Variants in CEP350 observed in about 807,000 individuals in gnomAD.
The protein encoded by CEP350 is centrosomal protein 350, also known as centrosome-associated protein 350.
In CEP350, 126 loss-of-function variants were observed where a neutral mutation model predicts 331.8. That is an observed-to-expected ratio of 0.38 (90% CI 0.33 to 0.44). The LOEUF (loss-of-function observed/expected upper bound fraction) is 0.44. Among genes scored for constraint, CEP350 ranks in the 20% least tolerant of loss-of-function variants. CEP350 has a pLI of 1.00. For synonymous variants in CEP350, 1,200 were observed against 1,259.5 expected (o/e 0.95, Z 1.00); for missense variants, 3,406 against 3,634.6 (o/e 0.94, Z 1.62).
In CEP350 at chr1:180,022,778, T is replaced by C. The variant is rs767827548; in HGVS notation, c.3316T>C (p.Tyr1106His). The C allele has an allele frequency of 6.2e-7, 1 of 1,608,142 alleles. No homozygotes were observed. Among genetic ancestry groups the C allele is most frequent in the Non-Finnish European group, 8.5e-7 (1 of 1,176,814 alleles). ...CGCAACTCCTCTAAGTGGTGTTTCATATGAAGATGATTTTGTCTCCTCTCC... is the reference window on the plus strand; with the variant it reads ...CGCAACTCCTCTAAGTGGTGTTTCACATGAAGATGATTTTGTCTCCTCTCC... ...ATATPLSGVS[Y>H]EDDFVSSPGT... Residue 1106 changes from tyrosine (Y) to histidine (H), a missense_variant, in exon 13 of 38, where the codon TAT (tyrosine) becomes CAT (histidine). Coordinates refer to ENST00000367607, the MANE Select transcript of CEP350 (RefSeq NM_014810.5).
chr1:179,982,369 T>A (rs1268684252), intron 1 of CEP350, among the ~76,000 whole-genome samples: 1 of 152,242 alleles, frequency 6.6e-6, no homozygotes, highest in Non-Finnish European at 1.5e-5. Context: ...TCTTTTTGCA[T>A]GTAGTTGTAA....
In CEP350 at chr1:180,075,067, T is replaced by C. The variant is rs753815587; in HGVS notation, c.5613T>C (p.His1871=). Residue 1871 remains histidine, a synonymous_variant, in exon 28 of 38, where the codon CAT becomes CAC. Transcript: ENST00000367607. ...AAAAATTAATGCAACGGCGACAACA[T>C]GCAGAGGAGCTCCTAGAGTGGAAGC... ...REQKLMQRRQ[H]AEELLEWKRR... The C allele has an allele frequency of 8.7e-6, 14 of 1,613,068 alleles. No homozygotes were observed. The highest frequency in any genetic ancestry group is 1.2e-5 in the Non-Finnish European group (14 of 1,179,574).
At chr1:180,066,227 C>T (rs1296323118) in intron 27 of CEP350, among the ~76,000 whole-genome samples, 1 of 152,088 alleles carries the variant, frequency 6.6e-6, no homozygotes, top group Non-Finnish European at 1.5e-5. Context: ...TAATTAAATA[C>T]GGTTAAAAAT....
chr1:179,960,593 G>T (rs1571771613), intron 1 of CEP350, among the ~76,000 whole-genome samples: 2 of 151,920 alleles, frequency 1.3e-5, no homozygotes, highest in East Asian at 1.9e-4. Context: ...CATTTTTTTT[G>T]ATGACACTGT....
At chr1:180,087,522 T>C in intron 31 of CEP350, 56 bp from the exon 32 acceptor site, 2 of 1,419,136 alleles carry the variant, frequency 1.4e-6, no homozygotes, top group Non-Finnish European at 1.9e-6. Context: ...ATTTTATAAT[T>C]TAAAATAAGT....
intron 6 of CEP350, among the ~76,000 whole-genome samples, chr1:179,999,687 G>A (rs1488295971): frequency 1.3e-5 from 2 of 152,082 alleles, no homozygotes; most frequent in Admixed American, 1.3e-4. Context: ...GGTTACTTGT[G>A]TTAACAATTT....
chr1:179,965,944 C>A (rs559967366), intron 1 of CEP350, among the ~76,000 whole-genome samples: 1 of 152,138 alleles, frequency 6.6e-6, no homozygotes, highest in East Asian at 1.9e-4. Flanking sequence ...ATCTTTTTAA[C>A]CTAGCTACTA....
chr1:180,025,114 C>T (rs946216217), intron 14 of CEP350, among the ~76,000 whole-genome samples: 30 of 152,036 alleles, frequency 2.0e-4, no homozygotes, highest in African/African-American at 4.8e-4. Flanking sequence ...TTAGTAGAGA[C>T]GGGGTTTCAC....
chr1:180,041,273 T>TG (rs552971484), intron 18 of CEP350, 25 bp downstream of exon 18: 297 of 1,510,488 alleles, frequency 2.0e-4, no homozygotes, highest in African/African-American at 1.7e-3. Context: ...AGCAGGTTCT[T>TG]GTTTTTTAAA....
chr1:180,090,346 A>G lies in CEP350; in HGVS notation c.6426-368A>G, dbSNP rs555090834. Among the ~76,000 whole-genome samples, 49 of 151,580 alleles carry G rather than the reference A, an allele frequency of 3.2e-4. No homozygotes were observed. The South Asian group carries it at 0.01, about 31-fold the overall frequency. On this transcript the variant is annotated intron_variant, in intron 32 of 37. Transcript: ENST00000367607. ...CGGATCATGAGATCAGGAGATCGAG[A>G]CCATCCTGGCTAACACAGTGAAACC... is the stretch of plus-strand genomic sequence containing the variant.
At chr1:180,033,118 A>G (rs1472248146) in intron 15 of CEP350, among the ~76,000 whole-genome samples, 2 of 152,190 alleles carry the variant, frequency 1.3e-5, no homozygotes, top group African/African-American at 4.8e-5. Context: ...TTTATAGAGT[A>G]TCTTTGAATA....
intron 37 of CEP350, among the ~76,000 whole-genome samples, chr1:180,101,266 G>A (rs1294655371): frequency 6.6e-6 from 1 of 151,564 alleles, no homozygotes; most frequent in African/African-American, 2.4e-5. Flanking sequence ...ATAACTTTTT[G>A]CATGAGCTCG....
chr1:180,030,316 T>TGTGTATACATAAGTGTGTACACAC (rs1491219567), intron 14 of CEP350, among the ~76,000 whole-genome samples: 7 of 145,262 alleles, frequency 4.8e-5, no homozygotes, highest in Non-Finnish European at 1.1e-4. Flanking sequence ...TGTATATATG[T>TGTGTATACATAAGTGTGTACACAC]ATATATATAC....
intron 1 of CEP350, among the ~76,000 whole-genome samples, chr1:179,982,437 T>C (rs1323148288): frequency 6.6e-6 from 1 of 152,260 alleles, no homozygotes; most frequent in South Asian, 2.1e-4. Flanking sequence ...ATAAATGTCA[T>C]ACTTTTAATA....
chr1:179,976,215 A>G lies in CEP350; in HGVS notation c.-13-9954A>G, dbSNP rs887862936. 1.3e-4 allele frequency among the ~76,000 whole-genome samples: 18 copies of G among 135,054 alleles called. No homozygotes were observed. The Admixed American group carries it at 1.5e-3, about 11-fold the overall frequency. The allele number at this position is 135,054 out of a possible 152,430, so 88.6% of individuals were successfully genotyped here. A position where few individuals can be genotyped will look rare whatever the true frequency, so the allele number is the denominator to read the frequency against. The stretch of plus-strand genomic sequence containing the variant: ...AAATTGTTCTAAGACTTTCATAAGA[A>G]TAAGCCTGTAAATCAGAAAAAAAAA... On this transcript the variant is annotated intron_variant, in intron 1 of 37. Coordinates refer to ENST00000367607, the MANE Select transcript of CEP350 (RefSeq NM_014810.5).
At chr1:180,016,462 A>C (rs1654978975) in intron 11 of CEP350, among the ~76,000 whole-genome samples, 1 of 152,188 alleles carries the variant, frequency 6.6e-6, no homozygotes, top group African/African-American at 2.4e-5. Context: ...ATTTTACCTT[A>C]AAATACTTTT....
chr1:180,080,922 C>T (rs562476462), intron 30 of CEP350, among the ~76,000 whole-genome samples: 3 of 152,092 alleles, frequency 2.0e-5, no homozygotes, highest in Admixed American at 2.0e-4. Context: ...TGCAGTGGTG[C>T]GATCTTGTCT....
At chr1:179,985,056 G>A (rs1652554878) in intron 1 of CEP350, among the ~76,000 whole-genome samples, 1 of 152,040 alleles carries the variant, frequency 6.6e-6, no homozygotes, top group Non-Finnish European at 1.5e-5. Flanking sequence ...GTTCAGTGGT[G>A]TTAAGTACAT....
Position 179,954,949 on chromosome 1 carries a change from C to T in CEP350, c.-207C>T. ...GCTTGCCCTGAGGGAGGGGAGGCAGCCTTTCCGCCTTGTCTTCCTTCCCAG... is the reference window on the plus strand; with the variant it reads ...GCTTGCCCTGAGGGAGGGGAGGCAGTCTTTCCGCCTTGTCTTCCTTCCCAG... On this transcript the variant is annotated 5_prime_UTR_variant, in exon 1 of 38. Coordinates refer to ENST00000367607, the MANE Select transcript of CEP350 (RefSeq NM_014810.5). 5.8e-6 allele frequency: 6 copies of T among 1,035,998 alleles called. No individual in the cohort carries two copies. The highest frequency in any genetic ancestry group is 7.7e-6 in the Non-Finnish European group (6 of 779,608). The allele number at this position is 1,035,998 out of a possible 1,614,324, so 64.2% of individuals were successfully genotyped here.
Sources: gnomAD v4.1 joint callset for allele counts (sites outside exome capture counted in the v4.1 genomes callset) on GRCh38, gnomAD v4.1.1 for gene constraint, MANE v1.5 for transcripts, NCBI Gene and HGNC (gene_info 2026-07-23, HGNC 2026-07-21) for gene names.